Variants in DTNA observed in about 807,000 individuals in gnomAD.
The protein encoded by DTNA is dystrophin-related protein 3.
In DTNA, 43 loss-of-function variants were observed where a neutral mutation model predicts 100.7. The observed-to-expected ratio is 0.43, with a 90% CI of 0.33 to 0.55. The LOEUF (loss-of-function observed/expected upper bound fraction) is 0.55. Among genes scored for constraint, DTNA ranks in the 20% least tolerant of loss-of-function variants. The probability of loss-of-function intolerance (pLI) is 0.04; values close to 1 mark genes in which losing one functional copy is unlikely to be tolerated. For synonymous variants in DTNA, 349 were observed against 347.9 expected, an observed-to-expected ratio of 1.00 and a Z score of -0.04; for missense variants, 798 against 953.9, an observed-to-expected ratio of 0.84 and a Z score of 2.15.
At chr18:34,558,424 T>G (rs559580709) in intron 1 of DTNA, among the ~76,000 whole-genome samples, 1 of 152,316 alleles carries the variant, frequency 6.6e-6, no homozygotes, top group South Asian at 2.1e-4. Flanking sequence ...ATTCATTGAT[T>G]AATTCAACTA....
At chr18:34,846,584 A>G (rs1168866801) in intron 13 of DTNA, among the ~76,000 whole-genome samples, 2 of 152,124 alleles carry the variant, frequency 1.3e-5, no homozygotes, top group African/African-American at 4.8e-5. Flanking sequence ...TATTCATATT[A>G]AAACAGCTAT....
At chr18:34,679,090 T>C (rs1343359460) in intron 1 of DTNA, among the ~76,000 whole-genome samples, 1 of 152,156 alleles carries the variant, frequency 6.6e-6, no homozygotes, top group Non-Finnish European at 1.5e-5. Flanking sequence ...GAAAACTATC[T>C]ACTTGGAAAA....
chr18:34,611,207 G>C (rs1187066251), intron 1 of DTNA, among the ~76,000 whole-genome samples: 2 of 152,018 alleles, frequency 1.3e-5, no homozygotes, highest in Admixed American at 1.3e-4. Context: ...AACAATTCTT[G>C]GATTTTTTGG....
chr18:34,860,964 T>G (rs935190097), intron 16 of DTNA, among the ~76,000 whole-genome samples: 2 of 152,164 alleles, frequency 1.3e-5, no homozygotes, highest in South Asian at 4.1e-4. Context: ...TACCTTTCAC[T>G]TAGTGTATAT....
intron 1 of DTNA, among the ~76,000 whole-genome samples, chr18:34,518,245 CT>C (rs1350121682): frequency 6.6e-6 from 1 of 152,032 alleles, no homozygotes; most frequent in Non-Finnish European, 1.5e-5. Flanking sequence ...TGAAATGTCT[CT>C]TCATATCTTT....
At chr18:34,497,700 G>A (rs2039407616) in intron 1 of DTNA, among the ~76,000 whole-genome samples, 1 of 150,908 alleles carries the variant, frequency 6.6e-6, no homozygotes, top group Admixed American at 6.6e-5. Context: ...AAAAAAAGTG[G>A]AAAAAATAGA....
At chr18:34,760,596 G>A (rs1245748645) in intron 2 of DTNA, among the ~76,000 whole-genome samples, 6 of 152,134 alleles carry the variant, frequency 3.9e-5, no homozygotes, top group African/African-American at 1.4e-4. Flanking sequence ...TCCACTAATA[G>A]TGCCCATCAC....
chr18:34,867,286 A>G, intron 17 of DTNA: 2 of 1,231,334 alleles, frequency 1.6e-6, no homozygotes, highest in East Asian at 6.3e-5. Flanking sequence ...GTAAAAAAGG[A>G]AAGTGTAAAA....
chr18:34,566,665 A>G (rs2047116537), intron 1 of DTNA, among the ~76,000 whole-genome samples: 1 of 152,220 alleles, frequency 6.6e-6, no homozygotes, highest in South Asian at 2.1e-4. Context: ...ACATCTTATT[A>G]TATTCACAGT....
In DTNA at chr18:34,545,991, A is replaced by T. The variant is rs186968411; in HGVS notation, c.-2+52477A>T. Among the ~76,000 whole-genome samples, 11 of 152,262 alleles carry T rather than the reference A, an allele frequency of 7.2e-5. No individual in the cohort carries two copies. In the East Asian group the frequency reaches 2.1e-3, roughly 29 times the overall value. The stretch of plus-strand genomic sequence containing the variant: ...ACGTTTGTTCAGAGATCATTCATTA[A>T]GGATCTATGGGAGGCTCGGCTCTGT... On this transcript the variant is annotated intron_variant, in intron 1 of 19. Transcript: ENST00000283365.
intron 1 of DTNA, among the ~76,000 whole-genome samples, chr18:34,523,681 TCTC>T (rs2042349463): frequency 6.6e-6 from 1 of 152,176 alleles, no homozygotes; most frequent in South Asian, 2.1e-4. Flanking sequence ...CCTGTTGGTC[TCTC>T]TTCAGTTGAG....
rs573347512 is a variant in DTNA, at chr18:34,856,453, T to C, written c.1533-1832T>C. Among the ~76,000 whole-genome samples the C allele has an allele frequency of 1.2e-4, 19 of 152,366 alleles. 1 individual carries two copies. The East Asian group carries it at 1.3e-3, about 11-fold the overall frequency. ...ATCTTTAGAAGGTAATGGTTCCTTA[T>C]AGCACCTTTGGTGGAGCCAGTCAGG... is the stretch of plus-strand genomic sequence containing the variant. On this transcript the variant is annotated intron_variant, in intron 15 of 22. Transcript: ENST00000444659.
intron 11 of DTNA, among the ~76,000 whole-genome samples, chr18:34,834,227 G>T (rs2096081587): frequency 6.6e-6 from 1 of 152,092 alleles, no homozygotes; most frequent in Non-Finnish European, 1.5e-5. Flanking sequence ...TGGGCACGGT[G>T]GCTCACGCTT....
At chr18:34,757,812 C>A (rs1349329600) in intron 2 of DTNA, among the ~76,000 whole-genome samples, 1 of 152,160 alleles carries the variant, frequency 6.6e-6, no homozygotes, top group Non-Finnish European at 1.5e-5. Context: ...TGATGTCTTG[C>A]AGCTTTATTA....
intron 2 of DTNA, among the ~76,000 whole-genome samples, chr18:34,757,847 G>A (rs1000457180): frequency 3.3e-5 from 5 of 152,098 alleles, no homozygotes; most frequent in African/African-American, 1.2e-4. Flanking sequence ...TGTGATTAAC[G>A]GTCAGAATAG....
rs935472544 is a variant in DTNA, at chr18:34,829,417, G to T, written c.1103G>T (p.Ser368Ile). ...TCCCTCAGGTTACCTGAGGGAATAA[G>T]TGCATCCAGCCCTGTGGCTGAAGAG... is the stretch of plus-strand genomic sequence containing the variant. ...FITRRLPEGI[S>I]ASSPVAEEHS... The change falls in exon 11 of 23, where the codon AGT (serine) becomes ATT (isoleucine). Residue 368 changes from serine to isoleucine, a missense_variant. Ser to Ile is a moderately radical substitution (Grantham distance 142). This residue lies in a region of DTNA where 93 missense variants were observed against 90.5 expected (regional missense o/e 1.03). Transcript: ENST00000444659. 9.1e-6 allele frequency: 14 copies of T among 1,535,030 alleles called. No homozygotes were observed. Among genetic ancestry groups the T allele is most frequent in the Admixed American group, 2.0e-5 (1 of 50,960 alleles).
chr18:34,852,876 C>A (rs182820499), intron 15 of DTNA, among the ~76,000 whole-genome samples: 1 of 152,170 alleles, frequency 6.6e-6, no homozygotes, highest in Non-Finnish European at 1.5e-5. Context: ...CAATTACATA[C>A]CCCTGTGTGT....
chr18:34,616,747 C>A (rs1456102809), intron 1 of DTNA, among the ~76,000 whole-genome samples: 1 of 152,126 alleles, frequency 6.6e-6, no homozygotes, highest in Admixed American at 6.5e-5. Context: ...TTGATCCTTC[C>A]TATCAATGAG....
chr18:34,714,966 C>G (rs543139024), intron 1 of DTNA, among the ~76,000 whole-genome samples: 98 of 149,826 alleles, frequency 6.5e-4, no homozygotes, highest in African/African-American at 2.3e-3. Flanking sequence ...AACAAAAAAC[C>G]AAACACCGCA....
Sources: allele counts gnomAD v4.1 joint callset (sites outside exome capture counted in the v4.1 genomes callset), GRCh38; gene constraint gnomAD v4.1.1; regional missense constraint gnomAD v4.1.1; transcripts MANE v1.5; gene names NCBI Gene and HGNC (gene_info 2026-07-23, HGNC 2026-07-21).